CA10: variants seen among roughly 807,000 people sequenced by gnomAD.
CA10 encodes carbonic anhydrase 10 (inactive).
Under a neutral mutation model 44.2 loss-of-function variants are expected in CA10, and 14 were observed. The observed-to-expected ratio is 0.32, with a 90% CI of 0.21 to 0.50. The LOEUF is 0.50. Among genes scored for constraint, CA10 ranks in the 20% least tolerant of loss-of-function variants. The pLI is 0.99. For synonymous variants in CA10, 159 were observed against 141.6 expected (o/e 1.12, Z -0.87); for missense variants, 350 against 409.7 (o/e 0.85, Z 1.26).
intron 2 of CA10, among the ~76,000 whole-genome samples, chr17:52,040,134 T>C (rs1477490022): frequency 1.7e-5 from 2 of 117,642 alleles, no homozygotes; most frequent in Non-Finnish European, 3.5e-5. Flanking sequence ...CCTTTTTCCT[T>C]TCTTTTTTTT....
At chr17:51,887,946 A>T (rs1980686187) in intron 3 of CA10, among the ~76,000 whole-genome samples, 1 of 152,048 alleles carries the variant, frequency 6.6e-6, no homozygotes, top group African/African-American at 2.4e-5. Context: ...AATTGCTTGA[A>T]CCCAGGAGGC....
At chr17:52,149,083 G>A (rs1010026777) in intron 1 of CA10, among the ~76,000 whole-genome samples, 1 of 152,220 alleles carries the variant, frequency 6.6e-6, no homozygotes, top group South Asian at 2.1e-4. Flanking sequence ...AGCTGTGTGT[G>A]TAGTGAGAGA....
At position 51,930,498 on chromosome 17, in the gene CA10, C is replaced by G. The variant is rs112491224; in HGVS notation, c.279+492G>C. ...GCATTTCTGTGCAGGAGCTAGGATT[C>G]TTAGCAAGCAAGATGCCCCTAGGAA... On this transcript the variant is annotated intron_variant, in intron 3 of 8. Coordinates refer to ENST00000451037, the MANE Select transcript of CA10 (RefSeq NM_020178.5). 3.1e-3 allele frequency among the ~76,000 whole-genome samples: 469 copies of G among 152,210 alleles called. 1 individual carries two copies. Among genetic ancestry groups the G allele is most frequent in the African/African-American group, 0.011 (452 of 41,548 alleles).
intron 4 of CA10, among the ~76,000 whole-genome samples, chr17:51,722,488 T>C (rs920581527): frequency 6.6e-6 from 1 of 152,230 alleles, no homozygotes; most frequent in East Asian, 1.9e-4. Flanking sequence ...TTTTCTTTAA[T>C]TGAAGAAATG....
chr17:51,982,983 TGTTTTAGATTATTTTTTCTCGA>T (rs1274557344), intron 2 of CA10, among the ~76,000 whole-genome samples: 3 of 152,046 alleles, frequency 2.0e-5, no homozygotes, highest in African/African-American at 7.2e-5. Context: ...TATTCAGTTA[TGTTTTAGATTATTTTTTCTCGA>T]GTTTTCCTCT....
At chr17:51,895,695 A>G (rs967131451) in intron 3 of CA10, among the ~76,000 whole-genome samples, 8 of 152,048 alleles carry the variant, frequency 5.3e-5, no homozygotes, top group Non-Finnish European at 8.8e-5. Flanking sequence ...TTTTAACAAT[A>G]TGAAAGAGGT....
intron 2 of CA10, among the ~76,000 whole-genome samples, chr17:52,023,858 TA>T (rs1443744159): frequency 1.3e-5 from 2 of 152,162 alleles, no homozygotes; most frequent in Non-Finnish European, 2.9e-5. Context: ...TCTTTTTCTT[TA>T]AAGGTTAAAT....
intron 4 of CA10, among the ~76,000 whole-genome samples, chr17:51,685,724 G>A (rs1443518006): frequency 6.6e-6 from 1 of 152,192 alleles, no homozygotes; most frequent in East Asian, 1.9e-4. Flanking sequence ...GAATAGAAAT[G>A]GGCCTGAGTG....
chr17:51,842,542 A>C (rs762876428), intron 3 of CA10, among the ~76,000 whole-genome samples: 6 of 152,186 alleles, frequency 3.9e-5, no homozygotes, highest in Non-Finnish European at 8.8e-5. Context: ...AGCAGTCATT[A>C]TATGTTACAT....
At chr17:51,687,145 A>G (rs1025865839) in intron 4 of CA10, among the ~76,000 whole-genome samples, 1 of 152,046 alleles carries the variant, frequency 6.6e-6, no homozygotes, top group Non-Finnish European at 1.5e-5. Flanking sequence ...TACCTTTATG[A>G]TCTCATTTTG....
chr17:52,128,391 C>T (rs1409665973), intron 1 of CA10, among the ~76,000 whole-genome samples: 1 of 152,200 alleles, frequency 6.6e-6, no homozygotes, highest in Non-Finnish European at 1.5e-5. Context: ...GAAAGATGTA[C>T]TTACCACTCA....
intron 6 of CA10, among the ~76,000 whole-genome samples, chr17:51,641,151 G>GCTCTCTCTCTCTCTC (rs1428327999): frequency 7.0e-6 from 1 of 143,816 alleles, no homozygotes; most frequent in East Asian, 2.0e-4. Flanking sequence ...CTCTCTCTCA[G>GCTCTCTCTCTCTCTC]CTCTCTCTCT....
At chr17:51,995,062 A>G (rs1742498110) in intron 2 of CA10, among the ~76,000 whole-genome samples, 1 of 152,048 alleles carries the variant, frequency 6.6e-6, no homozygotes, top group African/African-American at 2.4e-5. Flanking sequence ...ATGGAACTGA[A>G]TGTGATGGCA....
rs182001499 is a variant in CA10, at chr17:51,737,194, A to C, written c.465+10439T>G. ...CTGGACCAACCATGCAACTGAAAGCAGGTTCTTTAACCTCTCGAGGTTTCT... is the reference window on the plus strand; with the variant it reads ...CTGGACCAACCATGCAACTGAAAGCCGGTTCTTTAACCTCTCGAGGTTTCT... On this transcript the variant is annotated intron_variant, in intron 4 of 8. Transcript: ENST00000451037. Among the ~76,000 whole-genome samples the C allele has an allele frequency of 4.1e-3, 631 of 152,308 alleles. 1 individual carries two copies. Among genetic ancestry groups the C allele is most frequent in the Non-Finnish European group, 6.9e-3 (468 of 68,016 alleles).
intron 2 of CA10, among the ~76,000 whole-genome samples, chr17:52,012,018 T>C (rs557028818): frequency 6.6e-6 from 1 of 151,990 alleles, no homozygotes; most frequent in African/African-American, 2.4e-5. Context: ...AAGGGAGGGA[T>C]TAGCCAAGGA....
At chr17:51,670,441 C>T (rs1914373033) in intron 4 of CA10, among the ~76,000 whole-genome samples, 1 of 151,378 alleles carries the variant, frequency 6.6e-6, no homozygotes, top group Non-Finnish European at 1.5e-5. Context: ...TGGGCTTTCT[C>T]ACCAAGGATT....
intron 4 of CA10, among the ~76,000 whole-genome samples, chr17:51,724,798 C>T (rs1385178675): frequency 2.6e-5 from 4 of 152,170 alleles, no homozygotes; most frequent in Non-Finnish European, 5.9e-5. Context: ...AAATTCCATT[C>T]CTTCCATGCA....
chr17:51,900,348 T>C (rs1981258634), intron 3 of CA10, among the ~76,000 whole-genome samples: 1 of 152,190 alleles, frequency 6.6e-6, no homozygotes, highest in Admixed American at 6.6e-5. Flanking sequence ...GAATGCTGAA[T>C]ATAGGCCCCC....
At chr17:52,128,844 C>T (rs1019001020) in intron 1 of CA10, among the ~76,000 whole-genome samples, 1 of 152,118 alleles carries the variant, frequency 6.6e-6, no homozygotes, top group Non-Finnish European at 1.5e-5. Context: ...GATTTGACTG[C>T]CTGGCTTCCA....
Sources: allele counts gnomAD v4.1 joint callset (sites outside exome capture counted in the v4.1 genomes callset), GRCh38; gene constraint gnomAD v4.1.1; transcripts MANE v1.5; gene names NCBI Gene and HGNC (gene_info 2026-07-23, HGNC 2026-07-21).